Variants in ESRRG observed in about 807,000 individuals in gnomAD.
ESRRG encodes the protein estrogen related receptor gamma.
Under a neutral mutation model 44.0 loss-of-function variants are expected in ESRRG, and 13 were observed. The observed-to-expected ratio is 0.30, with a 90% CI of 0.19 to 0.47. The LOEUF is 0.47. ESRRG is among the 20% of genes least tolerant of loss of function. ESRRG has a pLI of 1.00. For synonymous variants in ESRRG, 215 were observed against 214.6 expected (o/e 1.00, Z -0.02); for missense variants, 395 against 580.6 (o/e 0.68, Z 3.29).
At chr1:217,091,275 C>T (rs2092340686), upstream of ESRRG, among the ~76,000 whole-genome samples, 3 of 152,122 alleles carry the variant, frequency 2.0e-5, no homozygotes, top group South Asian at 6.2e-4. Context: ...AAGATGACAG[C>T]AGAGGCCGAG....
intron 1 of ESRRG, among the ~76,000 whole-genome samples, chr1:217,103,549 T>A (rs189198804): frequency 2.0e-5 from 3 of 151,528 alleles, no homozygotes; most frequent in African/African-American, 7.3e-5. Context: ...CCCAGCTACT[T>A]GAGGAGGCTG....
intron 2 of ESRRG, among the ~76,000 whole-genome samples, chr1:216,811,255 TGAG>T (rs1319788967): frequency 3.3e-5 from 5 of 152,174 alleles, no homozygotes; most frequent in Admixed American, 2.0e-4. Context: ...TTTATGATGA[TGAG>T]AAGACATTAT....
chr1:216,818,187 A>T (rs1380706168), intron 2 of ESRRG, among the ~76,000 whole-genome samples: 3 of 152,228 alleles, frequency 2.0e-5, no homozygotes, highest in African/African-American at 7.2e-5. Flanking sequence ...TTTGGGAAGA[A>T]GAAAAGTTGT....
In ESRRG at chr1:216,564,216, T is replaced by A; in HGVS notation, c.862+3A>T. The A allele has an allele frequency of 6.7e-7, 1 of 1,484,680 alleles. No homozygotes were observed. 92.0% of individuals were successfully genotyped at this position (1,484,680 alleles called of 1,614,324 possible). A position where few individuals can be genotyped will look rare whatever the true frequency, so the allele number is the denominator to read the frequency against. On this transcript the variant is annotated splice_donor_region_variant and intron_variant, in intron 5 of 6. Coordinates refer to ENST00000408911, the MANE Select transcript of ESRRG (RefSeq NM_001438.4). ...CTTTTCTTTTTCTTTTCAGAAAATG[T>A]ACCTGGAATATGCTTCGCCCATCCA...
At chr1:217,082,318 C>A (rs978501978) in intron 1 of ESRRG, among the ~76,000 whole-genome samples, 1 of 152,192 alleles carries the variant, frequency 6.6e-6, no homozygotes, top group African/African-American at 2.4e-5. Context: ...CACCTGAAAC[C>A]AAGTAACTTT....
intron 3 of ESRRG, among the ~76,000 whole-genome samples, chr1:216,607,140 A>G (rs2060037886): frequency 6.6e-6 from 1 of 152,242 alleles, no homozygotes; most frequent in Admixed American, 6.5e-5. Flanking sequence ...AAAGTATAAA[A>G]GAAATCTTGT....
intron 2 of ESRRG, among the ~76,000 whole-genome samples, chr1:216,763,561 T>G (rs1044566840): frequency 6.6e-6 from 1 of 152,152 alleles, no homozygotes; most frequent in Non-Finnish European, 1.5e-5. Context: ...GTCACAATAT[T>G]AATATACGCT....
intron 2 of ESRRG, among the ~76,000 whole-genome samples, chr1:216,898,217 T>A (rs1010329506): frequency 6.6e-6 from 1 of 152,194 alleles, no homozygotes; most frequent in Non-Finnish European, 1.5e-5. Flanking sequence ...ACTCAATTTA[T>A]GAGAATTACT....
At chr1:216,656,501 T>C (rs531828127) in intron 2 of ESRRG, among the ~76,000 whole-genome samples, 1 of 152,334 alleles carries the variant, frequency 6.6e-6, no homozygotes, top group South Asian at 2.1e-4. Flanking sequence ...TTTTCTCACT[T>C]ACTGCTTAAT....
At chr1:217,119,052 G>T (rs76400933) in intron 1 of ESRRG, among the ~76,000 whole-genome samples, 2 of 138,276 alleles carry the variant, frequency 1.4e-5, no homozygotes, top group Admixed American at 1.4e-4. Flanking sequence ...GATAGATAGA[G>T]ACACAGATAC....
At chr1:217,113,951 C>T (rs1011274253) in intron 1 of ESRRG, among the ~76,000 whole-genome samples, 2 of 151,814 alleles carry the variant, frequency 1.3e-5, no homozygotes, top group African/African-American at 4.8e-5. Context: ...TATGAACACA[C>T]ACCACTGCAA....
chr1:216,901,804 G>A (rs2149489540), intron 2 of ESRRG, among the ~76,000 whole-genome samples: 1 of 152,202 alleles, frequency 6.6e-6, no homozygotes, highest in South Asian at 2.1e-4. Context: ...CTGCTGCCCA[G>A]GCTGGAGTAC....
At chr1:217,057,700 G>C (rs1318807381) in intron 1 of ESRRG, among the ~76,000 whole-genome samples, 3 of 152,084 alleles carry the variant, frequency 2.0e-5, no homozygotes, top group Non-Finnish European at 2.9e-5. Flanking sequence ...AAGCAATAAA[G>C]AGATAAAAAG....
intron 3 of ESRRG, among the ~76,000 whole-genome samples, chr1:216,626,381 C>T (rs746246801): frequency 5.3e-5 from 8 of 152,258 alleles, no homozygotes; most frequent in Non-Finnish European, 1.2e-4. Context: ...TTTCCCATGA[C>T]TTCTATCTTT....
chr1:216,991,349 C>T (rs188638267), intron 1 of ESRRG, among the ~76,000 whole-genome samples: 11 of 152,218 alleles, frequency 7.2e-5, no homozygotes, highest in African/African-American at 1.7e-4. Context: ...CCTCAGCCAA[C>T]GTCTAGGTAA....
At chr1:216,896,209 G>A (rs1327360074) in intron 2 of ESRRG, among the ~76,000 whole-genome samples, 1 of 152,136 alleles carries the variant, frequency 6.6e-6, no homozygotes, top group Admixed American at 6.6e-5. Flanking sequence ...TAATTGGGAG[G>A]AAAGAAGAAC....
chr1:216,779,840 C>G lies in ESRRG; in HGVS notation c.-13-102349G>C, dbSNP rs551557880. On this transcript the variant is annotated intron_variant, in intron 2 of 7. Coordinates refer to the ESRRG transcript ENST00000359162. Reference sequence around the variant, plus strand: ...GTATTTGGGGAATGACCTTGGACAGCTGGCTTATCTCTCTGACACTCAGTA... The same window carrying G: ...GTATTTGGGGAATGACCTTGGACAGGTGGCTTATCTCTCTGACACTCAGTA... Among the ~76,000 whole-genome samples the G allele has an allele frequency of 5.9e-5, 9 of 151,572 alleles. No homozygotes were observed. The East Asian group carries it at 1.8e-3, about 30-fold the overall frequency.
chr1:216,905,596 G>A (rs1415292329), intron 2 of ESRRG, among the ~76,000 whole-genome samples: 1 of 152,132 alleles, frequency 6.6e-6, no homozygotes, highest in Non-Finnish European at 1.5e-5. Flanking sequence ...TAGACATTGA[G>A]GTCTGTGAGT....
At chr1:216,957,146 G>T (rs1291085996) in intron 1 of ESRRG, among the ~76,000 whole-genome samples, 1 of 152,016 alleles carries the variant, frequency 6.6e-6, no homozygotes, top group Non-Finnish European at 1.5e-5. Flanking sequence ...CCTCCTCACT[G>T]GTTGCTTCTT....
Sources: allele counts gnomAD v4.1 joint callset (sites outside exome capture counted in the v4.1 genomes callset), GRCh38; gene constraint gnomAD v4.1.1; transcripts MANE v1.5; gene names NCBI Gene and HGNC (gene_info 2026-07-23, HGNC 2026-07-21).